The following EPB41L5 variants were observed in gnomAD, a reference collection of about 807,000 sequenced individuals.
EPB41L5 encodes the protein erythrocyte membrane protein band 4.1 like 5.
A neutral mutation model predicts 106.6 loss-of-function variants in EPB41L5; 55 were observed. The observed-to-expected ratio is 0.52, with a 90% CI of 0.42 to 0.65. The LOEUF (loss-of-function observed/expected upper bound fraction) is 0.65. EPB41L5 is among the 30% of genes least tolerant of loss of function. The pLI is 0.00. For synonymous variants in EPB41L5, 297 were observed against 306.7 expected (o/e 0.97, Z 0.33); for missense variants, 871 against 882.1 (o/e 0.99, Z 0.16).
Position 120,175,167 on chromosome 2 carries a change from G to C in EPB41L5, c.*260G>C. On this transcript the variant is annotated 3_prime_UTR_variant, in exon 25 of 25. Transcript: ENST00000263713. ...TAAATGTTACAAATTCCCGAAAGAA[G>C]GGAATTTCTTTTTCTGGGGTTTCCT... 1 of 439,674 alleles carries C rather than the reference G, an allele frequency of 2.3e-6. No homozygotes were observed. The allele number at this position is 439,674 out of a possible 1,614,324, so 27.2% of individuals were successfully genotyped here. A position where few individuals can be genotyped will look rare whatever the true frequency, so the allele number is the denominator to read the frequency against.
chr2:120,122,136 T>G (rs2105450412), intron 16 of EPB41L5, among the ~76,000 whole-genome samples: 1 of 152,366 alleles, frequency 6.6e-6, no homozygotes, highest in African/African-American at 2.4e-5. Context: ...GCCTGTTCAC[T>G]CTGATGGTAG....
intron 9 of EPB41L5, 28 bp downstream of exon 9, chr2:120,077,344 A>C: frequency 6.3e-7 from 1 of 1,583,254 alleles, no homozygotes; most frequent in Non-Finnish European, 8.6e-7. Context: ...ATGCTTTTTT[A>C]AAAATTTATT....
rs903734395 is a variant in EPB41L5 at position 120,167,448 on chromosome 2, C to T, written c.1963-18C>T. On this transcript the variant is annotated intron_variant, in intron 22 of 24. Coordinates refer to ENST00000263713, the MANE Select transcript of EPB41L5 (RefSeq NM_020909.4). ...AGTCTTTCCAAAAAGTAAATACATA[C>T]ATATAAAATTATTTCAGGTGTCTTC... is the stretch of plus-strand genomic sequence containing the variant. 3.7e-6 allele frequency: 6 copies of T among 1,603,868 alleles called. No homozygotes were observed. In the African/African-American group the frequency reaches 4.0e-5, roughly 11 times the overall value.
intron 3 of EPB41L5, among the ~76,000 whole-genome samples, chr2:120,045,673 T>G (rs575140317): frequency 6.6e-6 from 1 of 152,304 alleles, no homozygotes; most frequent in Admixed American, 6.5e-5. Flanking sequence ...TTTTTTAAAA[T>G]TTTTATTATT....
chr2:120,091,498 T>C, intron 12 of EPB41L5, 57 bp from the exon 13 acceptor site: 2 of 1,171,480 alleles, frequency 1.7e-6, no homozygotes, highest in South Asian at 1.3e-5. Flanking sequence ...GTCTTATTTG[T>C]GTGTGTTTAT....
chr2:120,091,043 A>G (rs773327498), intron 12 of EPB41L5, among the ~76,000 whole-genome samples: 3 of 152,200 alleles, frequency 2.0e-5, no homozygotes, highest in Non-Finnish European at 2.9e-5. Flanking sequence ...TAATGTGGCC[A>G]GTTGATTGTG....
intron 16 of EPB41L5, among the ~76,000 whole-genome samples, chr2:120,115,611 C>T (rs1281939861): frequency 6.6e-6 from 1 of 151,516 alleles, no homozygotes; most frequent in African/African-American, 2.4e-5. Flanking sequence ...AGGCTGGTCT[C>T]GAACTCCTGA....
rs530007819 is a variant in EPB41L5 at position 120,065,812 on chromosome 2, G to A, written c.286-7366G>A. On this transcript the variant is annotated intron_variant, in intron 3 of 24. Coordinates refer to ENST00000263713, the MANE Select transcript of EPB41L5 (RefSeq NM_020909.4). Reference sequence around the variant, plus strand: ...ATTGCAGGTGTGAGCCACCTTACCCGGCTGAGATTGTTCTTGAAATAGTGT... The same window carrying A: ...ATTGCAGGTGTGAGCCACCTTACCCAGCTGAGATTGTTCTTGAAATAGTGT... Among the ~76,000 whole-genome samples the A allele has an allele frequency of 1.0e-3, 153 of 152,130 alleles. 1 individual carries two copies. Among genetic ancestry groups the A allele is most frequent in the African/African-American group, 2.6e-3 (110 of 41,516 alleles).
rs769502492 is a variant in EPB41L5, at chr2:120,087,135, T to C, written c.804-36T>C. ...TTTTTCATATTTAGAGAACATTTGT[T>C]TGTAATTTGGCTTTTATTCTCTTAT... On this transcript the variant is annotated intron_variant, in intron 10 of 24. Coordinates refer to ENST00000263713, the MANE Select transcript of EPB41L5 (RefSeq NM_020909.4). 3 of 1,264,494 alleles carry C rather than the reference T, an allele frequency of 2.4e-6. No individual in the cohort carries two copies. In the South Asian group the frequency reaches 3.8e-5, roughly 16 times the overall value. The allele number at this position is 1,264,494 out of a possible 1,614,324, so 78.3% of individuals were successfully genotyped here.
chr2:120,083,956 G>C (rs886499328), intron 10 of EPB41L5, among the ~76,000 whole-genome samples: 2 of 152,108 alleles, frequency 1.3e-5, no homozygotes, highest in African/African-American at 4.8e-5. Flanking sequence ...TTGCTTGGTA[G>C]ATCTTCCTCC....
rs553719929 is a variant in EPB41L5, at chr2:120,175,174, T to C, written c.*267T>C. 2.3e-6 allele frequency: 1 copy of C among 431,340 alleles called. No homozygotes were observed. The highest frequency in any genetic ancestry group is 3.4e-5 in the Admixed American group (1 of 29,426). The allele number at this position is 431,340 out of a possible 1,614,324, so 26.7% of individuals were successfully genotyped here. A position where few individuals can be genotyped will look rare whatever the true frequency, so the allele number is the denominator to read the frequency against. On this transcript the variant is annotated 3_prime_UTR_variant, in exon 25 of 25. Coordinates refer to ENST00000263713, the MANE Select transcript of EPB41L5 (RefSeq NM_020909.4). ...TACAAATTCCCGAAAGAAGGGAATT[T>C]CTTTTTCTGGGGTTTCCTTCAAACT...
At chr2:120,153,833 A>G (rs1272900716) in intron 20 of EPB41L5, among the ~76,000 whole-genome samples, 2 of 152,154 alleles carry the variant, frequency 1.3e-5, no homozygotes, top group South Asian at 2.1e-4. Flanking sequence ...TTTGGTTACT[A>G]TTTGCATTGA....
At chr2:120,163,262 C>A (rs1472711574) in intron 21 of EPB41L5, among the ~76,000 whole-genome samples, 1 of 132,622 alleles carries the variant, frequency 7.5e-6, no homozygotes, top group Non-Finnish European at 1.7e-5. Flanking sequence ...CCCTCTGCCC[C>A]CCCCCCCCCC....
chr2:120,101,040 CTTA>C (rs1343472291), intron 16 of EPB41L5, among the ~76,000 whole-genome samples: 3 of 152,134 alleles, frequency 2.0e-5, no homozygotes, highest in Admixed American at 2.0e-4. Context: ...GCTGTCCTTA[CTTA>C]TTATTTATTT....
At chr2:120,104,488 AAG>A in intron 16 of EPB41L5, 1 of 1,150,256 alleles carries the variant, frequency 8.7e-7, no homozygotes, top group African/African-American at 1.6e-5. Context: ...GTGGTTTTGG[AAG>A]AGTTTTCAGA....
intron 16 of EPB41L5, among the ~76,000 whole-genome samples, chr2:120,126,725 G>A (rs1381511132): frequency 6.6e-6 from 1 of 152,094 alleles, no homozygotes. Context: ...ATTCAATAGT[G>A]TACATTCATT....
chr2:120,095,962 G>C (rs908061780), intron 14 of EPB41L5, among the ~76,000 whole-genome samples: 1 of 151,946 alleles, frequency 6.6e-6, no homozygotes, highest in Non-Finnish European at 1.5e-5. Context: ...GAACCACCAC[G>C]CCCAGCCGGC....
intron 16 of EPB41L5, chr2:120,105,183 T>G: frequency 1.0e-6 from 1 of 980,810 alleles, no homozygotes; most frequent in South Asian, 4.7e-5. Flanking sequence ...CTCCTTGGTT[T>G]AATTAATAGA....
intron 3 of EPB41L5, among the ~76,000 whole-genome samples, chr2:120,070,310 A>G (rs1244803542): frequency 6.6e-6 from 1 of 152,190 alleles, no homozygotes; most frequent in African/African-American, 2.4e-5. Context: ...ATAGACCAAC[A>G]ACAAGTTCTG....
Sources: gnomAD v4.1 joint callset for allele counts (sites outside exome capture counted in the v4.1 genomes callset) on GRCh38, gnomAD v4.1.1 for gene constraint, MANE v1.5 for transcripts, NCBI Gene and HGNC (gene_info 2026-07-23, HGNC 2026-07-21) for gene names.